Variants in FAM199X observed in about 807,000 individuals in gnomAD.
The protein encoded by FAM199X is family with sequence similarity 199, X-linked.
In FAM199X, 4 loss-of-function variants were observed where a neutral mutation model predicts 22.9. That is an observed-to-expected ratio of 0.17 (90% confidence interval 0.09 to 0.40). The LOEUF is 0.40. Among genes scored for constraint, FAM199X ranks in the 10% least tolerant of loss-of-function variants. The probability of loss-of-function intolerance (pLI) is 1.00; values close to 1 mark genes in which losing one functional copy is unlikely to be tolerated. For missense variants in FAM199X, 183 were observed against 306.8 expected (o/e 0.60, Z 3.01); for synonymous variants, 101 against 112.3 (o/e 0.90, Z 0.64).
chrX:104,188,083 C>G lies in FAM199X; in HGVS notation c.773C>G (p.Ala258Gly). Reference sequence around the variant, plus strand: ...GAACATAGCCCTCGCCAACGGCCTGCAAGAGAGGCCTGGAAGAGAAGCAAC... The same window carrying G: ...GAACATAGCCCTCGCCAACGGCCTGGAAGAGAGGCCTGGAAGAGAAGCAAC... ...IKEHSPRQRP[A>G]REAWKRSNFS... The change falls in exon 5 of 6, where the codon GCA becomes GGA. Residue 258 changes from alanine to glycine, a missense_variant. Physicochemically the swap from Ala to Gly is moderately conservative, Grantham distance 60. Around this residue, in one of 2 missense-constraint regions of FAM199X, gnomAD observed 128 missense variants for 246.2 expected, o/e 0.52. Coordinates refer to ENST00000493442, the MANE Select transcript of FAM199X (RefSeq NM_207318.4). 8.3e-7 allele frequency: 1 copy of G among 1,211,687 alleles called. No individual in the cohort carries two copies. Among genetic ancestry groups the G allele is most frequent in the Non-Finnish European group, 1.1e-6 (1 of 895,464 alleles).
chrX:104,165,511 A>G (rs1423602586), upstream of FAM199X, among the ~76,000 whole-genome samples: 2 of 112,313 alleles, frequency 1.8e-5, no homozygotes, highest in Non-Finnish European at 3.7e-5. Context: ...AATGCAAAGA[A>G]TTGCTTTTAT....
At chrX:104,187,917 C>T (rs1472215260) in intron 4 of FAM199X, 123 bp from the exon 5 acceptor site, 17 of 803,787 alleles carry the variant, frequency 2.1e-5, no homozygotes, top group African/African-American at 2.1e-4. Flanking sequence ...TTCTACCTTA[C>T]GTATGCATCT....
At chrX:104,166,150 G>A (rs182773660), upstream of FAM199X, among the ~76,000 whole-genome samples, 1 of 112,716 alleles carries the variant, frequency 8.9e-6, no homozygotes, top group African/African-American at 3.2e-5. Context: ...AGAGTGCGCT[G>A]GGAACCAGGG....
At chrX:104,165,604 AAAGT>A (rs1331110362), upstream of FAM199X, among the ~76,000 whole-genome samples, 14 of 111,923 alleles carry the variant, frequency 1.3e-4, no homozygotes, top group Non-Finnish European at 1.9e-4. Context: ...TTCTTTGGGC[AAAGT>A]AAGAAATTAG....
intron 1 of FAM199X, among the ~76,000 whole-genome samples, chrX:104,168,878 CTT>C (rs56399350): frequency 0.06 from 4,990 of 83,265 alleles, 412 homozygotes; most frequent in African/African-American, 0.21. Context: ...TTACTGCTTG[CTT>C]TTTTTTTTTT....
intron 1 of FAM199X, among the ~76,000 whole-genome samples, chrX:104,169,632 A>G (rs1222519061): frequency 1.8e-5 from 2 of 111,777 alleles, no homozygotes; most frequent in African/African-American, 3.3e-5. Context: ...CAGTTGCACA[A>G]TCTTGGCTTA....
At chrX:104,157,179 TATTGGAAC>T in the FAM199X span, among the ~76,000 whole-genome samples, 120 of 111,633 alleles carry the variant, frequency 1.1e-3, no homozygotes, top group Non-Finnish European at 1.8e-3. Flanking sequence ...CTTAGTCATC[TATTGGAAC>T]ATTTCCCCAG....
rs1292407123 is a variant in FAM199X at position 104,193,992 on chromosome X, A to G, written c.*4214A>G. 4 of 111,705 alleles carry G rather than the reference A, an allele frequency of 3.6e-5. No individual in the cohort carries two copies. In the East Asian group the frequency reaches 8.4e-4, roughly 23 times the overall value. The allele number at this position is 111,705 out of a possible 1,213,427, so 9.2% of individuals were successfully genotyped here. A position where few individuals can be genotyped will look rare whatever the true frequency, so the allele number is the denominator to read the frequency against. On this transcript the variant is annotated 3_prime_UTR_variant, in exon 6 of 6. Coordinates refer to ENST00000493442, the MANE Select transcript of FAM199X (RefSeq NM_207318.4). ...TGAAAATTCTTCTAACTGGCCATTA[A>G]GAGTAAGGAAGTTGAATGGTACTGC...
chrX:104,163,424 G>C (rs1314855746), upstream of FAM199X, among the ~76,000 whole-genome samples: 3 of 111,301 alleles, frequency 2.7e-5, no homozygotes, highest in African/African-American at 9.8e-5. Flanking sequence ...AAATTAGGAA[G>C]GATCTTGGAG....
chrX:104,188,009 C>T, intron 4 of FAM199X, 31 bp from the exon 5 acceptor site: 1 of 1,202,549 alleles, frequency 8.3e-7, no homozygotes. Context: ...CAAGGTGCAA[C>T]ACTAACCAGT....
intron 1 of FAM199X, among the ~76,000 whole-genome samples, chrX:104,175,086 T>G (rs1292753585): frequency 8.9e-6 from 1 of 112,116 alleles, no homozygotes; most frequent in African/African-American, 3.2e-5. Context: ...CATTCTCATG[T>G]GATCATCACG....
intron 1 of FAM199X, among the ~76,000 whole-genome samples, chrX:104,171,398 A>T (rs1470830220): frequency 1.8e-5 from 2 of 111,583 alleles, no homozygotes; most frequent in East Asian, 5.6e-4. Context: ...TGATAGCTAG[A>T]GTCGAAGTGT....
rs377177175 is a variant in FAM199X at position 104,166,938 on chromosome X, C to A, written c.153C>A (p.Ser51=). 8.4e-6 allele frequency: 10 copies of A among 1,188,606 alleles called. No individual in the cohort carries two copies. The African/African-American group carries it at 1.8e-4, about 21-fold the overall frequency. ...TCAGCGACTTCGGCTGCCAGCTGTC[C>A]TCCTGCCATCGCACCGACCCGCTCC... ...LDISDFGCQL[S]SCHRTDPLHR... is the part of the protein sequence containing the mutation. The change falls in exon 1 of 6, where the codon TCC becomes TCA. Residue 51 remains serine, a synonymous_variant. Transcript: ENST00000493442.
Position 104,188,063 on chromosome X carries a change from T to G in FAM199X, c.753T>G (p.His251Gln). 8.3e-7 allele frequency: 1 copy of G among 1,211,767 alleles called. No homozygotes were observed. The highest frequency in any genetic ancestry group is 1.8e-5 in the South Asian group (1 of 56,995). ...AGGTCAGAAACTATATCAAGGAACA[T>G]AGCCCTCGCCAACGGCCTGCAAGAG... ...LKQVRNYIKE[H>Q]SPRQRPAREA... Residue 251 changes from histidine (H) to glutamine (Q), a missense_variant, in exon 5 of 6, where the codon CAT becomes CAG. By Grantham distance (24) the His-to-Gln change is conservative (BLOSUM62 0). Around this residue, in one of 2 missense-constraint regions of FAM199X, gnomAD observed 128 missense variants for 246.2 expected, o/e 0.52. Transcript: ENST00000493442.
At chrX:104,158,781 A>G in the FAM199X span, among the ~76,000 whole-genome samples, 1 of 111,951 alleles carries the variant, frequency 8.9e-6, no homozygotes, top group Non-Finnish European at 1.9e-5. Flanking sequence ...GAAGGGACTG[A>G]AGGAGAAGGT....
At chrX:104,179,877 A>G (rs1371813816) in intron 2 of FAM199X, among the ~76,000 whole-genome samples, 1 of 111,134 alleles carries the variant, frequency 9.0e-6, no homozygotes, top group Non-Finnish European at 1.9e-5. Context: ...GGCCTCTCAT[A>G]AGGAGGTAGG....
intron 2 of FAM199X, among the ~76,000 whole-genome samples, chrX:104,178,078 G>T (rs927869965): frequency 2.2e-4 from 25 of 111,875 alleles, no homozygotes; most frequent in Non-Finnish European, 4.5e-4. Flanking sequence ...CTTACATGTA[G>T]GTCTTTGACC....
intron 5 of FAM199X, among the ~76,000 whole-genome samples, 157 bp downstream of exon 5, chrX:104,188,463 C>T (rs376437165): frequency 8.9e-6 from 1 of 112,018 alleles, no homozygotes; most frequent in Admixed American, 9.4e-5. Flanking sequence ...TTGAACAAAG[C>T]ACTCTAGGCT....
At chrX:104,159,052 C>G in the FAM199X span, among the ~76,000 whole-genome samples, 1 of 112,199 alleles carries the variant, frequency 8.9e-6, no homozygotes, top group African/African-American at 3.2e-5. Flanking sequence ...AGACTTTTTA[C>G]TTAATTTTCT....
Sources: gnomAD v4.1 joint callset for allele counts (sites outside exome capture counted in the v4.1 genomes callset) on GRCh38, gnomAD v4.1.1 for gene constraint, gnomAD v4.1.1 regional missense constraint, MANE v1.5 for transcripts, NCBI Gene and HGNC (gene_info 2026-07-23, HGNC 2026-07-21) for gene names.